Variants in PRH1 observed in about 807,000 individuals in gnomAD.
The protein encoded by PRH1 is salivary acidic proline-rich phosphoprotein 1/2.
PRH1 carries 7 observed loss-of-function variants against 7.9 expected under a neutral mutation model. The ratio of observed to expected loss-of-function variants is 0.89; its 90% CI spans 0.50 to 1.67. The LOEUF is 1.67. Ranked by LOEUF, PRH1 falls within the 40% of genes most tolerant of loss-of-function variation. The pLI is 0.00. For missense variants in PRH1, 109 were observed against 223.6 expected, an observed-to-expected ratio of 0.49 and a Z score of 3.27; for synonymous variants, 45 against 80.8, an observed-to-expected ratio of 0.56 and a Z score of 2.38.
chr12:11,010,407 T>C (rs1355822483), intron 1 of PRH1, among the ~76,000 whole-genome samples: 1 of 151,942 alleles, frequency 6.6e-6, no homozygotes, highest in East Asian at 1.9e-4. Context: ...GAGAACACTA[T>C]TTTAATTTTT....
chr12:11,137,656 T>C (rs1236630400), intron 1 of PRH1, among the ~76,000 whole-genome samples: 1 of 152,208 alleles, frequency 6.6e-6, no homozygotes, highest in Non-Finnish European at 1.5e-5. Context: ...ATTATTTGCT[T>C]AAGCAATGTA....
At chr12:11,033,503 C>T (rs1277639012) in intron 1 of PRH1, among the ~76,000 whole-genome samples, 1 of 152,068 alleles carries the variant, frequency 6.6e-6, no homozygotes, top group Non-Finnish European at 1.5e-5. Flanking sequence ...ACTCTTAAAC[C>T]AAGAGTGTGG....
chr12:11,030,552 T>C (rs751181566), intron 1 of PRH1: 43 of 1,614,082 alleles, frequency 2.7e-5, no homozygotes, highest in Non-Finnish European at 4.2e-6. Context: ...TTGCAGAACA[T>C]GAAGACAGGT....
At chr12:11,108,535 T>C (rs1945497657) in intron 1 of PRH1, among the ~76,000 whole-genome samples, 1 of 152,088 alleles carries the variant, frequency 6.6e-6, no homozygotes, top group African/African-American at 2.4e-5. Flanking sequence ...AAGGAGGGTG[T>C]GGTGTTGCCT....
intron 1 of PRH1, among the ~76,000 whole-genome samples, chr12:10,987,884 T>G (rs6488335): frequency 0.47 from 70,663 of 151,944 alleles, 17,411 homozygotes; most frequent in South Asian, 0.75. Flanking sequence ...CATAAGCAGG[T>G]TGATTATCTG....
intron 2 of PRH1, chr12:10,908,295 T>C: frequency 1.6e-6 from 2 of 1,248,676 alleles, no homozygotes; most frequent in Non-Finnish European, 1.1e-6. Flanking sequence ...AGGGGAAGCA[T>C]AAAATATCTT....
chr12:10,992,404 G>GT (rs35530372), intron 1 of PRH1, among the ~76,000 whole-genome samples: 21 of 151,212 alleles, frequency 1.4e-4, no homozygotes, highest in African/African-American at 2.4e-4. Context: ...TCGGTTGTTC[G>GT]TTTTTTTTTG....
chr12:10,986,200 T>C (rs754754505), intron 1 of PRH1: 1 of 1,614,112 alleles, frequency 6.2e-7, no homozygotes, highest in South Asian at 1.1e-5. Flanking sequence ...TGGACCTTGG[T>C]GCTGAGATCT....
intron 2 of PRH1, chr12:10,965,269 C>T: frequency 6.9e-7 from 1 of 1,453,322 alleles, no homozygotes; most frequent in Non-Finnish European, 9.3e-7. Flanking sequence ...AATTTACCAA[C>T]ACTATGAAGC....
intron 2 of PRH1, among the ~76,000 whole-genome samples, chr12:10,969,796 GTATTTTATTT>G (rs996142600): frequency 4.6e-5 from 7 of 152,014 alleles, no homozygotes; most frequent in African/African-American, 1.7e-4. Context: ...GAAATATGGA[GTATTTTATTT>G]TATTTTATTT....
At chr12:10,965,654 T>C (rs1484676847) in intron 2 of PRH1, among the ~76,000 whole-genome samples, 4 of 152,238 alleles carry the variant, frequency 2.6e-5, no homozygotes, top group Admixed American at 2.0e-4. Flanking sequence ...ACCGGAATTT[T>C]CATTTGCCAG....
chr12:11,090,841 T>C (rs1218063817), intron 1 of PRH1, among the ~76,000 whole-genome samples: 1 of 114,108 alleles, frequency 8.8e-6, no homozygotes, highest in Non-Finnish European at 2.1e-5. Context: ...CAATGAATTC[T>C]AAGCACAATG....
At chr12:10,958,431 TA>T (rs1257287957) in intron 2 of PRH1, among the ~76,000 whole-genome samples, 1 of 151,850 alleles carries the variant, frequency 6.6e-6, no homozygotes, top group African/African-American at 2.4e-5. Flanking sequence ...AGAGTGAAGA[TA>T]AAAGAGATAC....
intron 1 of PRH1, among the ~76,000 whole-genome samples, chr12:10,985,316 T>C (rs963718272): frequency 6.6e-6 from 1 of 152,150 alleles, no homozygotes; most frequent in East Asian, 1.9e-4. Context: ...AAATGTGTTC[T>C]AAATATATTT....
chr12:10,924,924 C>CA (rs1387031276), intron 2 of PRH1, among the ~76,000 whole-genome samples: 1 of 152,034 alleles, frequency 6.6e-6, no homozygotes, highest in Non-Finnish European at 1.5e-5. Flanking sequence ...ACTGGTCTAT[C>CA]AATTTTGTTG....
At chr12:11,147,569 G>C (rs532280168) in intron 1 of PRH1, among the ~76,000 whole-genome samples, 1 of 152,148 alleles carries the variant, frequency 6.6e-6, no homozygotes. Flanking sequence ...GTTATATGAA[G>C]AACCTTGTTA....
At chr12:10,996,192 G>A (rs1296566029) in intron 1 of PRH1, among the ~76,000 whole-genome samples, 1 of 151,784 alleles carries the variant, frequency 6.6e-6, no homozygotes, top group East Asian at 1.9e-4. Context: ...AGCCACGTGT[G>A]GTAGCGCATG....
At chr12:11,132,688 T>C (rs1316877022) in intron 1 of PRH1, among the ~76,000 whole-genome samples, 3 of 152,264 alleles carry the variant, frequency 2.0e-5, no homozygotes, top group Admixed American at 6.5e-5. Context: ...TGAAATTTAC[T>C]ATACGTATAC....
At chr12:10,982,282 C>CA (rs1565519522) in intron 1 of PRH1, among the ~76,000 whole-genome samples, 1 of 152,214 alleles carries the variant, frequency 6.6e-6, no homozygotes, top group Non-Finnish European at 1.5e-5. Context: ...GCTGCCACAA[C>CA]AAAAAACTCA....
Sources: allele counts gnomAD v4.1 joint callset (sites outside exome capture counted in the v4.1 genomes callset), GRCh38; gene constraint gnomAD v4.1.1; transcripts MANE v1.5; gene names NCBI Gene and HGNC (gene_info 2026-07-23, HGNC 2026-07-21).